CXXC4: variants seen among roughly 807,000 people sequenced by gnomAD.
CXXC4 encodes CXXC finger protein 4.
CXXC4 carries 5 observed loss-of-function variants against 20.5 expected under a neutral mutation model. The observed-to-expected ratio is 0.24, with a 90% CI of 0.13 to 0.51. The LOEUF (loss-of-function observed/expected upper bound fraction) is 0.51. Ranked by LOEUF, CXXC4 falls within the 20% of genes least tolerant of loss-of-function variation. The pLI, the probability that CXXC4 is intolerant of heterozygous loss-of-function variation, is 0.97. For synonymous variants in CXXC4, 250 were observed against 216.4 expected, an observed-to-expected ratio of 1.16 and a Z score of -1.36; for missense variants, 419 against 496.4, an observed-to-expected ratio of 0.84 and a Z score of 1.48.
chr4:104,481,972 C>T (rs535445890), intron 2 of CXXC4, among the ~76,000 whole-genome samples: 7 of 152,284 alleles, frequency 4.6e-5, no homozygotes, highest in South Asian at 4.1e-4. Flanking sequence ...AGTGATATTG[C>T]TGTTGCTAGA....
Position 104,471,975 on chromosome 4 carries a change from T to G in CXXC4, c.*347A>C, listed in dbSNP as rs985794767. The G allele has an allele frequency of 1.6e-5, 3 of 188,024 alleles. No individual in the cohort carries two copies. The highest frequency in any genetic ancestry group is 3.3e-5 in the Non-Finnish European group (3 of 91,896). The allele number at this position is 188,024 out of a possible 1,614,324, so 11.6% of individuals were successfully genotyped here. On this transcript the variant is annotated 3_prime_UTR_variant, in exon 3 of 3. Coordinates refer to ENST00000394767, the MANE Select transcript of CXXC4 (RefSeq NM_025212.4). ...TATATTTGAAAATGAAGTATAGATA[T>G]GTACTTTGCAAAGATACATGATTTT...
intron 2 of CXXC4, among the ~76,000 whole-genome samples, chr4:104,480,785 CT>C (rs1398463039): frequency 6.6e-6 from 1 of 151,972 alleles, no homozygotes; most frequent in East Asian, 1.9e-4. Flanking sequence ...TCTGATTTCC[CT>C]TAAACAGTAG....
intron 2 of CXXC4, among the ~76,000 whole-genome samples, chr4:104,486,771 A>G (rs1327911486): frequency 6.6e-6 from 1 of 152,132 alleles, no homozygotes; most frequent in African/African-American, 2.4e-5. Context: ...GAATTATTTT[A>G]TTAACTAAAA....
rs532524986 is a variant in CXXC4 at position 104,491,307 on chromosome 4, TGCCGCCGCCGCCGCC to T, written c.481_495del (p.Gly161_Gly165del). Reference sequence around the variant, plus strand: ...TTTCGGTGGTGCATGCTGGTCCTGCTGCCGCCGCCGCCGCCGCCGCCGCCACCGCCGGCGGGGAGG... The same window carrying T: ...TTTCGGTGGTGCATGCTGGTCCTGCTGCCGCCGCCACCGCCGGCGGGGAGG... On this transcript the variant is annotated inframe_deletion, in exon 2 of 3. Transcript: ENST00000394767. 64 of 1,572,916 alleles carry T rather than the reference TGCCGCCGCCGCCGCC, an allele frequency of 4.1e-5. No individual in the cohort carries two copies. The African/African-American group carries it at 4.4e-4, about 11-fold the overall frequency.
intron 2 of CXXC4, among the ~76,000 whole-genome samples, chr4:104,477,268 G>C (rs571370477): frequency 1.6e-4 from 25 of 152,234 alleles, no homozygotes; most frequent in Non-Finnish European, 3.4e-4. Context: ...AATGCAAGCA[G>C]GTTGCTGATG....
chr4:104,489,799 A>C lies in CXXC4; in HGVS notation c.1059+945T>G, dbSNP rs1248079484. 2.0e-5 allele frequency among the ~76,000 whole-genome samples: 3 copies of C among 152,170 alleles called. No homozygotes were observed. The East Asian group carries it at 5.8e-4, about 29-fold the overall frequency. On this transcript the variant is annotated intron_variant, in intron 2 of 2. Transcript: ENST00000394767. ...TTAGCATAATTCATAACCTAATTTA[A>C]CAATTACTTTAGTGAGCATCTGTAC... is the stretch of plus-strand genomic sequence containing the variant.
intron 2 of CXXC4, among the ~76,000 whole-genome samples, chr4:104,487,376 G>A (rs1002813604): frequency 1.3e-5 from 2 of 152,074 alleles, no homozygotes; most frequent in African/African-American, 4.8e-5. Flanking sequence ...CATGTCACCT[G>A]AACAATGTTC....
rs1399064353 is a variant in CXXC4 at position 104,492,160 on chromosome 4, T to C, written c.-257-101A>G. 3.7e-5 allele frequency: 6 copies of C among 163,048 alleles called. 1 individual carries two copies. Among genetic ancestry groups the C allele is most frequent in the African/African-American group, 1.2e-4 (5 of 41,774 alleles). The allele number at this position is 163,048 out of a possible 1,614,324, so 10.1% of individuals were successfully genotyped here. ...ACCGCAGACACCGAAAGCTCCCACATTCTTCCATCAGGTCGTTTGCATAAG... is the reference window on the plus strand; with the variant it reads ...ACCGCAGACACCGAAAGCTCCCACACTCTTCCATCAGGTCGTTTGCATAAG... On this transcript the variant is annotated intron_variant, in intron 1 of 2. Coordinates refer to ENST00000394767, the MANE Select transcript of CXXC4 (RefSeq NM_025212.4).
chr4:104,482,777 C>T (rs937346192), intron 2 of CXXC4, among the ~76,000 whole-genome samples: 1 of 152,048 alleles, frequency 6.6e-6, no homozygotes, highest in Non-Finnish European at 1.5e-5. Flanking sequence ...CTGAAATAGA[C>T]AGAAATGTCC....
Position 104,491,191 on chromosome 4 carries a change from T to C in CXXC4, c.612A>G (p.Glu204=), listed in dbSNP as rs747398113. Reference sequence around the variant, plus strand: ...ATTCCCCCGCCAAAGGTCTGCAGTGTTCAGGGGATAAGGTGGAGAGGAAAT... The same window carrying C: ...ATTCCCCCGCCAAAGGTCTGCAGTGCTCAGGGGATAAGGTGGAGAGGAAAT... ...NTNFLSTLSP[E]HCRPLAGECM... Residue 204 remains glutamate, a synonymous_variant, in exon 2 of 3, where the codon GAA becomes GAG. Coordinates refer to ENST00000394767, the MANE Select transcript of CXXC4 (RefSeq NM_025212.4). 3.7e-6 allele frequency: 6 copies of C among 1,613,684 alleles called. No homozygotes were observed. The South Asian group carries it at 4.4e-5, about 12-fold the overall frequency.
rs1319370300 is a variant in CXXC4, at chr4:104,491,643, C to G, written c.160G>C (p.Gly54Arg). Residue 54 changes from glycine (G) to arginine (R), a missense_variant, in exon 2 of 3, where the codon GGG becomes CGG. Gly to Arg is a moderately radical substitution (Grantham distance 125). Coordinates refer to ENST00000394767, the MANE Select transcript of CXXC4 (RefSeq NM_025212.4). ...TTGGCCGCCTGTGGGAAGGCGCCCCCGTTGGTCTTGTAGAAGGAGGTGGCA... is the reference window on the plus strand; with the variant it reads ...TTGGCCGCCTGTGGGAAGGCGCCCCGGTTGGTCTTGTAGAAGGAGGTGGCA... ...SFATSFYKTN[G>R]GAFPQAAKIA... 3 of 1,542,186 alleles carry G rather than the reference C, an allele frequency of 1.9e-6. No homozygotes were observed. Among genetic ancestry groups the G allele is most frequent in the Non-Finnish European group, 2.6e-6 (3 of 1,143,378 alleles).
In CXXC4 at chr4:104,475,652, G is replaced by A. The variant is rs572210366; in HGVS notation, c.1060-3286C>T. The stretch of plus-strand genomic sequence containing the variant: ...AAGAAGACTTCTTTTTAAATGGTGC[G>A]GGGGCTCAGCACACCAATGTGCGGG... On this transcript the variant is annotated intron_variant, in intron 2 of 2. Transcript: ENST00000394767. 1.4e-4 allele frequency among the ~76,000 whole-genome samples: 22 copies of A among 152,108 alleles called. No homozygotes were observed. In the South Asian group the frequency reaches 4.4e-3, roughly 30 times the overall value.
At position 104,491,035 on chromosome 4, in the gene CXXC4, G is replaced by A. The variant is rs577411645; in HGVS notation, c.768C>T (p.Ala256=). ...CTGAGGCTGCTGCGGGGGAGTGAAG[G>A]GCTGTCATGACGATGACCCCTGGAG... is the stretch of plus-strand genomic sequence containing the variant. ...SLPPGVIVMT[A]LHSPAAASAA... The change falls in exon 2 of 3, where the codon GCC becomes GCT. Residue 256 remains alanine (A), a synonymous_variant. Coordinates refer to ENST00000394767, the MANE Select transcript of CXXC4 (RefSeq NM_025212.4). 2 of 1,614,058 alleles carry A rather than the reference G, an allele frequency of 1.2e-6. No homozygotes were observed. Among genetic ancestry groups the A allele is most frequent in the African/African-American group, 1.3e-5 (1 of 75,014 alleles).
At position 104,490,892 on chromosome 4, in the gene CXXC4, T is replaced by C; in HGVS notation, c.911A>G (p.Lys304Arg). Residue 304 changes from lysine to arginine, a missense_variant, in exon 2 of 3, where the codon AAG becomes AGG. Physicochemically the swap from Lys to Arg is conservative, Grantham distance 26. This residue lies in a region of CXXC4 where 15 missense variants were observed against 63.0 expected (regional missense o/e 0.24). Transcript: ENST00000394767. Reference protein sequence around the residue: ...GAGGANPAKKKRKRCGVCVPC... With the variant: ...GAGGANPAKKRRKRCGVCVPC... ...CACGCAGACCCCACACCTTTTCCTCTTCTTCTTGGCTGGGTTGGCTCCGCC... is the reference window on the plus strand; with the variant it reads ...CACGCAGACCCCACACCTTTTCCTCCTCTTCTTGGCTGGGTTGGCTCCGCC... 1 of 1,614,148 alleles carries C rather than the reference T, an allele frequency of 6.2e-7. No homozygotes were observed. The highest frequency in any genetic ancestry group is 8.5e-7 in the Non-Finnish European group (1 of 1,180,006).
At chr4:104,493,393 C>T (rs1408881153) in intron 1 of CXXC4, among the ~76,000 whole-genome samples, 1 of 152,022 alleles carries the variant, frequency 6.6e-6, no homozygotes, top group Non-Finnish European at 1.5e-5. Flanking sequence ...TACATGGGGG[C>T]CCAATAGTCT....
At chr4:104,475,620 T>A (rs1480466191) in intron 2 of CXXC4, among the ~76,000 whole-genome samples, 1 of 152,158 alleles carries the variant, frequency 6.6e-6, no homozygotes, top group African/African-American at 2.4e-5. Flanking sequence ...AATGAGGTTA[T>A]CCTTGTAAGA....
chr4:104,491,638 GC>G lies in CXXC4; in HGVS notation c.164del (p.Gly55AlafsTer160). On this transcript the variant is annotated frameshift_variant, in exon 2 of 3. Transcript: ENST00000394767. LOFTEE classifies it high-confidence loss of function. Reference sequence around the variant, plus strand: ...CGATCTTGGCCGCCTGTGGGAAGGCGCCCCCGTTGGTCTTGTAGAAGGAGGT... The same window carrying G: ...CGATCTTGGCCGCCTGTGGGAAGGCGCCCCGTTGGTCTTGTAGAAGGAGGT... ...FATSFYKTNG[G>X]AFPQAAKIAR... is the part of the protein sequence containing the mutation. 6.5e-7 allele frequency: 1 copy of G among 1,542,100 alleles called. No individual in the cohort carries two copies. The highest frequency in any genetic ancestry group is 8.7e-7 in the Non-Finnish European group (1 of 1,143,388).
rs780413919 is a variant in CXXC4 at position 104,491,353 on chromosome 4, CGAGGAGGAGGAGGCG to C, written c.435_449del (p.Ser147_Ala151del). 330 of 1,519,754 alleles carry C rather than the reference CGAGGAGGAGGAGGCG, an allele frequency of 2.2e-4. 2 individuals are homozygous for C. The highest frequency in any genetic ancestry group is 1.2e-3 in the Middle Eastern group (5 of 4,212). 94.1% of individuals were successfully genotyped at this position (1,519,754 alleles called of 1,614,324 possible). A position where few individuals can be genotyped will look rare whatever the true frequency, so the allele number is the denominator to read the frequency against. On this transcript the variant is annotated inframe_deletion, in exon 2 of 3. Coordinates refer to ENST00000394767, the MANE Select transcript of CXXC4 (RefSeq NM_025212.4). ...CGCCACCGCCGGCGGGGAGGATCGC[CGAGGAGGAGGAGGCG>C]GAGGAGGAGGCGGCGGCGGAGGAGG... is the stretch of plus-strand genomic sequence containing the variant.
rs1319907263 is a variant in CXXC4 at position 104,491,023 on chromosome 4, G to C, written c.780C>G (p.Pro260=). Residue 260 remains proline, a synonymous_variant, in exon 2 of 3, where the codon CCC becomes CCG. Transcript: ENST00000394767. ...GVIVMTALHS[P]AAASAAVTDS... ...CTGTGACGGCTGCTGAGGCTGCTGC[G>C]GGGGAGTGAAGGGCTGTCATGACGA... 6.8e-6 allele frequency: 11 copies of C among 1,613,904 alleles called. No homozygotes were observed. Among genetic ancestry groups the C allele is most frequent in the Non-Finnish European group, 9.3e-6 (11 of 1,180,006 alleles).
Sources: gnomAD v4.1 joint callset for allele counts (sites outside exome capture counted in the v4.1 genomes callset) on GRCh38, gnomAD v4.1.1 for gene constraint, gnomAD v4.1.1 regional missense constraint, MANE v1.5 for transcripts, NCBI Gene and HGNC (gene_info 2026-07-23, HGNC 2026-07-21) for gene names.